The following RAB35 variants were observed in gnomAD, a reference collection of about 807,000 sequenced individuals.
The protein encoded by RAB35 is ras-related protein Rab-35.
In RAB35, 4 loss-of-function variants were observed where a neutral mutation model predicts 28.9. That is an observed-to-expected ratio of 0.14 (90% CI 0.07 to 0.32). The LOEUF (loss-of-function observed/expected upper bound fraction) is 0.32. RAB35 is among the 10% of genes least tolerant of loss of function. RAB35 has a pLI of 1.00. For synonymous variants in RAB35, 99 were observed against 105.1 expected, an observed-to-expected ratio of 0.94 and a Z score of 0.35; for missense variants, 128 against 274.0, an observed-to-expected ratio of 0.47 and a Z score of 3.76.
chr12:120,103,661 G>T lies in RAB35; in HGVS notation c.227+165C>A, dbSNP rs1875750299. Among the ~76,000 whole-genome samples the T allele has an allele frequency of 6.6e-6, 1 of 152,170 alleles. No homozygotes were observed. Among genetic ancestry groups the T allele is most frequent in the African/African-American group, 2.4e-5 (1 of 41,442 alleles). On this transcript the variant is annotated intron_variant, in intron 3 of 5. Transcript: ENST00000229340. The surrounding 1 kb of genome is among the most constrained non-coding windows in gnomAD (Gnocchi z 6.1). ...CACCCCCCTCACATCTTCAGGACCA[G>T]GAAGGGTGCAGCCAAACGCCACCTA... is the stretch of plus-strand genomic sequence containing the variant.
chr12:120,099,236 C>T, intron 3 of RAB35, 82 bp from the exon 4 acceptor site: 1 of 1,571,048 alleles, frequency 6.4e-7, no homozygotes, highest in Non-Finnish European at 8.7e-7. Context: ...CACGTCAGGA[C>T]ACTGACCCGG....
At position 120,109,647 on chromosome 12, in the gene RAB35, G is replaced by A. The variant is rs559498355; in HGVS notation, c.53-1180C>T. ...TTTAGTAGGGACAGAGTCTGGCTACGTTGCCCAGGCTTTTTTTTTTTTTTT... is the reference window on the plus strand; with the variant it reads ...TTTAGTAGGGACAGAGTCTGGCTACATTGCCCAGGCTTTTTTTTTTTTTTT... On this transcript the variant is annotated intron_variant, in intron 1 of 5. Transcript: ENST00000229340. Among the ~76,000 whole-genome samples, 5 of 146,036 alleles carry A rather than the reference G, an allele frequency of 3.4e-5. No homozygotes were observed. In the South Asian group the frequency reaches 6.5e-4, roughly 19 times the overall value.
chr12:120,110,290 A>ACTTTTTTTTTTTTTTTTTTTTTTTTT (rs1555297145), intron 1 of RAB35, among the ~76,000 whole-genome samples: 2 of 88,596 alleles, frequency 2.3e-5, no homozygotes, highest in African/African-American at 5.0e-5. Flanking sequence ...AGCCCACAGC[A>ACTTTTTTTTTTTTTTTTTTTTTTTTT]TTTTTTTTTT....
At chr12:120,112,954 G>A (rs959759635) in intron 1 of RAB35, among the ~76,000 whole-genome samples, 8 of 149,820 alleles carry the variant, frequency 5.3e-5, no homozygotes, top group Non-Finnish European at 7.4e-5. Flanking sequence ...ACAGTGGCAC[G>A]ATCTCGGCTC....
intron 3 of RAB35, among the ~76,000 whole-genome samples, chr12:120,100,599 T>C (rs1875617984): frequency 6.6e-6 from 1 of 152,074 alleles, no homozygotes; most frequent in Non-Finnish European, 1.5e-5. Context: ...GAGCCAGAGC[T>C]CCTGCCCAGC....
Position 120,097,012 on chromosome 12 carries a change from G to A in RAB35, c.*233C>T. On this transcript the variant is annotated 3_prime_UTR_variant, in exon 6 of 6. Coordinates refer to ENST00000229340, the MANE Select transcript of RAB35 (RefSeq NM_006861.7). Reference sequence around the variant, plus strand: ...CGGGCAGCGTCCTCGCCAGGTCCAGGCGCCTTGGCCGGGGAGGAGGGGGCA... The same window carrying A: ...CGGGCAGCGTCCTCGCCAGGTCCAGACGCCTTGGCCGGGGAGGAGGGGGCA... 6.6e-7 allele frequency: 1 copy of A among 1,508,456 alleles called. No individual in the cohort carries two copies. Among genetic ancestry groups the A allele is most frequent in the Admixed American group, 2.0e-5 (1 of 50,052 alleles). The allele number at this position is 1,508,456 out of a possible 1,614,324, so 93.4% of individuals were successfully genotyped here.
rs1470997604 is a variant in RAB35 at position 120,097,061 on chromosome 12, C to T, written c.*184G>A. On this transcript the variant is annotated 3_prime_UTR_variant, in exon 6 of 6. Coordinates refer to ENST00000229340, the MANE Select transcript of RAB35 (RefSeq NM_006861.7). ...CACCAGTAGGGAAGGGCGGGCTGGTCCAACACCTTCTTGGCACTCGAGGAG... is the reference window on the plus strand; with the variant it reads ...CACCAGTAGGGAAGGGCGGGCTGGTTCAACACCTTCTTGGCACTCGAGGAG... 2.6e-6 allele frequency: 4 copies of T among 1,536,368 alleles called. No individual in the cohort carries two copies. Among genetic ancestry groups the T allele is most frequent in the East Asian group, 2.5e-5 (1 of 40,732 alleles).
At position 120,105,841 on chromosome 12, in the gene RAB35, C is replaced by T. The variant is rs80311242; in HGVS notation, c.104-1892G>A. 1.0e-2 allele frequency among the ~76,000 whole-genome samples: 1,452 copies of T among 145,860 alleles called. 20 individuals carry two copies. The highest frequency in any genetic ancestry group is 0.049 in the East Asian group (237 of 4,880). ...GGGAGGCAGGAGAATGGCGTGAACC[C>T]GGGAGGCGGAGCTTGCAGTGAGCCA... On this transcript the variant is annotated intron_variant, in intron 2 of 5. Transcript: ENST00000229340.
At chr12:120,099,363 C>T (rs1329367857) in intron 3 of RAB35, 4 of 648,122 alleles carry the variant, frequency 6.2e-6, no homozygotes, top group East Asian at 5.6e-5. Context: ...CCTGCCCGCC[C>T]GGGGCACCAA....
At chr12:120,105,379 G>A (rs1014732533) in intron 2 of RAB35, among the ~76,000 whole-genome samples, 2 of 152,284 alleles carry the variant, frequency 1.3e-5, no homozygotes, top group Admixed American at 6.5e-5. Flanking sequence ...GGTGGCTAAC[G>A]AACCAAGCAA....
intron 2 of RAB35, among the ~76,000 whole-genome samples, chr12:120,104,727 A>G (rs1394012620): frequency 1.3e-5 from 2 of 151,954 alleles, no homozygotes; most frequent in Non-Finnish European, 2.9e-5. Flanking sequence ...ACCTTCCCCC[A>G]GGGTCTGATA....
In RAB35 at chr12:120,096,856, TGGGGAGGGGCGC is replaced by T. The variant is rs1594235237; in HGVS notation, c.*377_*388del. 1 of 1,299,892 alleles carries T rather than the reference TGGGGAGGGGCGC, an allele frequency of 7.7e-7. No homozygotes were observed. The highest frequency in any genetic ancestry group is 1.0e-6 in the Non-Finnish European group (1 of 995,812). 80.5% of individuals were successfully genotyped at this position (1,299,892 alleles called of 1,614,324 possible). On this transcript the variant is annotated 3_prime_UTR_variant, in exon 6 of 6. Coordinates refer to ENST00000229340, the MANE Select transcript of RAB35 (RefSeq NM_006861.7). ...GGACGCTGCTTGCAGTAAGATGGGCTGGGGAGGGGCGCGGGGAGGGTCTGTTGCAGCAGGCTG... is the reference window on the plus strand; with the variant it reads ...GGACGCTGCTTGCAGTAAGATGGGCTGGGGAGGGTCTGTTGCAGCAGGCTG...
At chr12:120,113,217 T>TG (rs1374212357) in intron 1 of RAB35, among the ~76,000 whole-genome samples, 1 of 138,730 alleles carries the variant, frequency 7.2e-6, no homozygotes, top group African/African-American at 2.8e-5. Flanking sequence ...TTTTAAGAGA[T>TG]GGGGTCTCGC....
At chr12:120,111,402 C>A (rs1470609948) in intron 1 of RAB35, among the ~76,000 whole-genome samples, 1 of 152,068 alleles carries the variant, frequency 6.6e-6, no homozygotes, top group Non-Finnish European at 1.5e-5. Context: ...ACTAGGCTGG[C>A]CAGGCGCAGT....
rs747480615 is a variant in RAB35 at position 120,097,179 on chromosome 12, G to A, written c.*66C>T. On this transcript the variant is annotated 3_prime_UTR_variant, in exon 6 of 6. Coordinates refer to ENST00000229340, the MANE Select transcript of RAB35 (RefSeq NM_006861.7). ...CACGAAACTGAGACTGTCCCCCGAG[G>A]AACCTCCGTGGGCCTCGGGCTGGGG... 1.9e-6 allele frequency: 3 copies of A among 1,613,682 alleles called. No homozygotes were observed. Among genetic ancestry groups the A allele is most frequent in the Non-Finnish European group, 2.5e-6 (3 of 1,179,820 alleles).
At chr12:120,116,086 C>G (rs1876320619) in intron 1 of RAB35, among the ~76,000 whole-genome samples, 1 of 152,224 alleles carries the variant, frequency 6.6e-6, no homozygotes, top group African/African-American at 2.4e-5. Flanking sequence ...TGGGAAGAAA[C>G]TGACGCTTAT....
chr12:120,097,466 C>T (rs1875470798), intron 5 of RAB35, 93 bp from the exon 6 acceptor site: 2 of 964,136 alleles, frequency 2.1e-6, no homozygotes, highest in Middle Eastern at 3.4e-4. Context: ...CGGGGCCCAG[C>T]TCTTTCTACC....
In RAB35 at chr12:120,111,623, G is replaced by A. The variant is rs59994758; in HGVS notation, c.53-3156C>T. Among the ~76,000 whole-genome samples the A allele has an allele frequency of 5.9e-3, 894 of 152,034 alleles. 9 individuals are homozygous for A. The highest frequency in any genetic ancestry group is 0.02 in the African/African-American group (816 of 41,460). Reference sequence around the variant, plus strand: ...CTGAACCCAGGAGGCGGAGGTTGCAGCGAACTGAGATCGTGTCACTGCACT... The same window carrying A: ...CTGAACCCAGGAGGCGGAGGTTGCAACGAACTGAGATCGTGTCACTGCACT... On this transcript the variant is annotated intron_variant, in intron 1 of 5. Coordinates refer to ENST00000229340, the MANE Select transcript of RAB35 (RefSeq NM_006861.7).
At chr12:120,102,012 TCTGAACCTCTGCCACC>T (rs1237057778) in intron 3 of RAB35, among the ~76,000 whole-genome samples, 3 of 152,132 alleles carry the variant, frequency 2.0e-5, no homozygotes, top group Non-Finnish European at 4.4e-5. Flanking sequence ...GCCACGGGCC[TCTGAACCTCTGCCACC>T]CTGAACCTCC....
Sources: gnomAD v4.1 joint callset for allele counts (sites outside exome capture counted in the v4.1 genomes callset) on GRCh38, gnomAD v4.1.1 for gene constraint, Gnocchi (gnomAD v3.1) non-coding constraint, MANE v1.5 for transcripts, NCBI Gene and HGNC (gene_info 2026-07-23, HGNC 2026-07-21) for gene names.